Variants in RIMS1 observed in about 807,000 individuals in gnomAD.
RIMS1 encodes regulating synaptic membrane exocytosis 1, also known as regulating synaptic membrane exocytosis protein 1.
In RIMS1, 83 loss-of-function variants were observed where a neutral mutation model predicts 214.1. The observed-to-expected ratio is 0.39, with a 90% CI of 0.32 to 0.47. The LOEUF (loss-of-function observed/expected upper bound fraction) is 0.47, where lower values mean the gene tolerates loss of function less well. Among genes scored for constraint, RIMS1 ranks in the 20% least tolerant of loss-of-function variants. The pLI is 0.99. For missense variants in RIMS1, 2,050 were observed against 2,161.8 expected, an observed-to-expected ratio of 0.95 and a Z score of 1.03; for synonymous variants, 793 against 786.8, an observed-to-expected ratio of 1.01 and a Z score of -0.13.
intron 11 of RIMS1, among the ~76,000 whole-genome samples, chr6:72,247,553 A>AAC (rs2070736554): frequency 6.6e-6 from 1 of 151,868 alleles, no homozygotes; most frequent in Non-Finnish European, 1.5e-5. Flanking sequence ...AAAAAAAAAA[A>AAC]AACCTAAGAT....
chr6:72,122,078 T>C (rs758732637), intron 4 of RIMS1, among the ~76,000 whole-genome samples: 2 of 151,918 alleles, frequency 1.3e-5, no homozygotes, highest in Non-Finnish European at 2.9e-5. Context: ...AGGAATTTTC[T>C]TATAGATGTT....
intron 26 of RIMS1, among the ~76,000 whole-genome samples, chr6:72,295,414 G>A (rs567712972): frequency 3.0e-4 from 45 of 151,764 alleles, no homozygotes; most frequent in African/African-American, 9.4e-4. Flanking sequence ...AATAGTTTCC[G>A]TGGTGCAAAC....
intron 7 of RIMS1, among the ~76,000 whole-genome samples, chr6:72,234,659 C>T (rs1432761739): frequency 1.3e-5 from 2 of 151,968 alleles, no homozygotes; most frequent in African/African-American, 4.8e-5. Flanking sequence ...ATGCGTCCAC[C>T]ATTACAGTAT....
intron 29 of RIMS1, among the ~76,000 whole-genome samples, chr6:72,351,733 G>A (rs2097454839): frequency 6.6e-6 from 1 of 152,154 alleles, no homozygotes; most frequent in Non-Finnish European, 1.5e-5. Context: ...CTAGTTAAAT[G>A]TATAATTGCC....
At chr6:72,389,443 C>A (rs1421375770) in intron 29 of RIMS1, among the ~76,000 whole-genome samples, 3 of 152,086 alleles carry the variant, frequency 2.0e-5, no homozygotes, top group Admixed American at 2.0e-4. Flanking sequence ...GCATTAAGTT[C>A]ATATAGCATA....
At chr6:72,178,030 T>C (rs2047947160) in intron 4 of RIMS1, among the ~76,000 whole-genome samples, 1 of 152,220 alleles carries the variant, frequency 6.6e-6, no homozygotes, top group Non-Finnish European at 1.5e-5. Context: ...TCTTAGTAGA[T>C]GAGAATTCCG....
In RIMS1 at chr6:72,172,258, T is replaced by TA. The variant is rs550023865; in HGVS notation, c.472-7316dup. Among the ~76,000 whole-genome samples, 452 of 151,728 alleles carry TA rather than the reference T, an allele frequency of 3.0e-3. 1 individual carries two copies. Among genetic ancestry groups the TA allele is most frequent in the African/African-American group, 0.011 (434 of 41,100 alleles). ...AATAAATGGTAAATGATCAAAAAAA[T>TA]ATTTTTAATCATGTTATGAATATGT... On this transcript the variant is annotated intron_variant, in intron 4 of 33. Transcript: ENST00000521978.
intron 2 of RIMS1, among the ~76,000 whole-genome samples, chr6:72,088,157 G>T (rs1835150746): frequency 6.6e-6 from 1 of 151,894 alleles, no homozygotes; most frequent in African/African-American, 2.4e-5. Context: ...TAAAGTGTCA[G>T]TGATTTCACC....
At chr6:72,076,366 C>A (rs1831870043) in intron 2 of RIMS1, among the ~76,000 whole-genome samples, 1 of 152,194 alleles carries the variant, frequency 6.6e-6, no homozygotes, top group Non-Finnish European at 1.5e-5. Flanking sequence ...TCCTGGCTTG[C>A]AGATGGCCCC....
intron 2 of RIMS1, among the ~76,000 whole-genome samples, chr6:72,088,478 G>C (rs942790732): frequency 6.6e-6 from 1 of 151,870 alleles, no homozygotes; most frequent in African/African-American, 2.4e-5. Flanking sequence ...GGCTGGTCTC[G>C]AACTCCTGAC....
At chr6:71,989,105 C>T (rs1189974968) in intron 2 of RIMS1, among the ~76,000 whole-genome samples, 2 of 152,122 alleles carry the variant, frequency 1.3e-5, no homozygotes, top group Non-Finnish European at 2.9e-5. Flanking sequence ...ATATGCATAC[C>T]ATTGTCAATA....
At chr6:72,190,355 C>A (rs992988134) in intron 6 of RIMS1, among the ~76,000 whole-genome samples, 4 of 151,416 alleles carry the variant, frequency 2.6e-5, no homozygotes, top group African/African-American at 9.7e-5. Context: ...CCCAGCTACT[C>A]GGGAGGCTGA....
chr6:72,051,140 CT>C (rs1824530523), intron 2 of RIMS1, among the ~76,000 whole-genome samples: 1 of 152,124 alleles, frequency 6.6e-6, no homozygotes, highest in African/African-American at 2.4e-5. Context: ...TCCTCCTACC[CT>C]TTTCGTTATC....
intron 1 of RIMS1, among the ~76,000 whole-genome samples, chr6:71,926,206 C>T (rs757356658): frequency 1.2e-4 from 18 of 152,184 alleles, no homozygotes; most frequent in Non-Finnish European, 2.5e-4. Flanking sequence ...GCTGGGATTA[C>T]AGGTTTGAGC....
intron 4 of RIMS1, among the ~76,000 whole-genome samples, chr6:72,142,897 T>C (rs2042245625): frequency 6.6e-6 from 1 of 152,192 alleles, no homozygotes. Flanking sequence ...ATGAAGTACA[T>C]GGTTAAAACT....
chr6:72,289,309 T>C (rs1188370878), intron 24 of RIMS1, among the ~76,000 whole-genome samples: 1 of 152,134 alleles, frequency 6.6e-6, no homozygotes, highest in Admixed American at 6.5e-5. Context: ...TAGATAAAAC[T>C]CTCATCACTG....
At chr6:71,937,326 T>C (rs1308286089) in intron 1 of RIMS1, among the ~76,000 whole-genome samples, 1 of 152,176 alleles carries the variant, frequency 6.6e-6, no homozygotes, top group Non-Finnish European at 1.5e-5. Context: ...ACTGGTGCAA[T>C]CACAGCTCAC....
intron 19 of RIMS1, chr6:72,263,971 T>C (rs1164433845): frequency 3.9e-6 from 2 of 512,418 alleles, no homozygotes; most frequent in African/African-American, 4.2e-5. Flanking sequence ...CCAGCCTAGA[T>C]AACAAGAGTG....
In RIMS1 at chr6:72,071,908, G is replaced by A. The variant is rs558420976; in HGVS notation, c.246-25041G>A. Among the ~76,000 whole-genome samples, 66 of 152,322 alleles carry A rather than the reference G, an allele frequency of 4.3e-4. 2 individuals are homozygous for A. In the South Asian group the frequency reaches 0.013, roughly 31 times the overall value. ...TCAGGGAAGGACATAACAGATAGCA[G>A]TCTTCAAATATTTGGATTAATGTCA... On this transcript the variant is annotated intron_variant, in intron 2 of 33. Transcript: ENST00000521978.
Sources: allele counts gnomAD v4.1 joint callset (sites outside exome capture counted in the v4.1 genomes callset), GRCh38; gene constraint gnomAD v4.1.1; transcripts MANE v1.5; gene names NCBI Gene and HGNC (gene_info 2026-07-23, HGNC 2026-07-21).